The following ARL15 variants were observed in gnomAD, a reference collection of about 807,000 sequenced individuals.
The protein encoded by ARL15 is ADP-ribosylation factor-like protein 15.
A neutral mutation model predicts 25.2 loss-of-function variants in ARL15; 19 were observed. The ratio of observed to expected loss-of-function variants is 0.75; its 90% CI spans 0.53 to 1.10. The LOEUF (loss-of-function observed/expected upper bound fraction) is 1.10, where lower values mean the gene tolerates loss of function less well. ARL15 is among the 50% of genes least tolerant of loss of function. The pLI, the probability that ARL15 is intolerant of heterozygous loss-of-function variation, is 0.00. For synonymous variants in ARL15, 94 were observed against 86.8 expected, an observed-to-expected ratio of 1.08 and a Z score of -0.46; for missense variants, 220 against 246.0, an observed-to-expected ratio of 0.89 and a Z score of 0.71.
At chr5:54,191,878 T>C (rs554359668) in intron 1 of ARL15, among the ~76,000 whole-genome samples, 1 of 152,228 alleles carries the variant, frequency 6.6e-6, no homozygotes, top group South Asian at 2.1e-4. Flanking sequence ...CCACTCAAAA[T>C]ACTCCAAAGG....
chr5:54,224,407 A>G (rs26772), intron 1 of ARL15, among the ~76,000 whole-genome samples: 118,129 of 152,120 alleles, frequency 0.78, 47,378 homozygotes, highest in Non-Finnish European at 0.88. Context: ...ATCCAAGTAT[A>G]CGAGGCCAGC....
chr5:54,176,066 A>G (rs1022267483), intron 1 of ARL15, among the ~76,000 whole-genome samples: 1 of 152,160 alleles, frequency 6.6e-6, no homozygotes, highest in African/African-American at 2.4e-5. Flanking sequence ...CGTCTCCCCA[A>G]GCTCTTTCTC....
intron 4 of ARL15, among the ~76,000 whole-genome samples, chr5:54,084,960 ATAT>A (rs1751917469): frequency 6.6e-6 from 1 of 152,194 alleles, no homozygotes; most frequent in Non-Finnish European, 1.5e-5. Context: ...TATGGTTCAG[ATAT>A]TATGGCTTTG....
intron 1 of ARL15, among the ~76,000 whole-genome samples, chr5:54,216,785 A>G (rs1056212090): frequency 1.6e-4 from 24 of 152,144 alleles, no homozygotes; most frequent in African/African-American, 5.1e-4. Context: ...TTATGCTGCA[A>G]ATTTCTAGTT....
At chr5:54,270,749 T>C (rs1757763704) in intron 1 of ARL15, among the ~76,000 whole-genome samples, 1 of 152,162 alleles carries the variant, frequency 6.6e-6, no homozygotes, top group Non-Finnish European at 1.5e-5. Context: ...AGAACTGTAT[T>C]CCCACTGTAA....
rs2111875128 is a variant in ARL15 at position 53,886,325 on chromosome 5, A to G, written c.*236T>C. ...GAAGGAAGAGACATGCGGGGAAGAT[A>G]ATTAGTGGTAAACAGAGAATAAATT... is the stretch of plus-strand genomic sequence containing the variant. On this transcript the variant is annotated 3_prime_UTR_variant, in exon 5 of 5. Coordinates refer to ENST00000504924, the MANE Select transcript of ARL15 (RefSeq NM_019087.3). 4.6e-6 allele frequency: 2 copies of G among 434,144 alleles called. No individual in the cohort carries two copies. The highest frequency in any genetic ancestry group is 8.0e-5 in the Admixed American group (2 of 25,056). The allele number at this position is 434,144 out of a possible 1,614,324, so 26.9% of individuals were successfully genotyped here. A position where few individuals can be genotyped will look rare whatever the true frequency, so the allele number is the denominator to read the frequency against.
intron 4 of ARL15, among the ~76,000 whole-genome samples, chr5:54,004,396 G>A (rs1323485946): frequency 3.9e-5 from 6 of 151,918 alleles, no homozygotes; most frequent in African/African-American, 1.5e-4. Context: ...AGGAGGCTGA[G>A]GCAGGAGAAT....
At chr5:54,128,093 G>C (rs1254823677) in intron 3 of ARL15, among the ~76,000 whole-genome samples, 1 of 152,186 alleles carries the variant, frequency 6.6e-6, no homozygotes, top group Non-Finnish European at 1.5e-5. Context: ...AGCACAAATG[G>C]ACTAAGATGT....
At chr5:54,304,837 A>C (rs893289878) in intron 1 of ARL15, among the ~76,000 whole-genome samples, 1 of 151,956 alleles carries the variant, frequency 6.6e-6, no homozygotes, top group Non-Finnish European at 1.5e-5. Flanking sequence ...AAAAACAACG[A>C]AACAATGTAC....
intron 4 of ARL15, among the ~76,000 whole-genome samples, chr5:53,981,760 A>G (rs1748126030): frequency 6.6e-6 from 1 of 151,924 alleles, no homozygotes; most frequent in Non-Finnish European, 1.5e-5. Context: ...TCAGCCAGGC[A>G]TGGTGGTGCA....
At chr5:54,246,418 T>C (rs1212628211) in intron 1 of ARL15, among the ~76,000 whole-genome samples, 1 of 152,142 alleles carries the variant, frequency 6.6e-6, no homozygotes, top group Admixed American at 6.5e-5. Flanking sequence ...ACAGAAACTA[T>C]GTGTTGTACA....
intron 4 of ARL15, among the ~76,000 whole-genome samples, chr5:54,084,911 G>A (rs575447236): frequency 8.5e-5 from 13 of 152,230 alleles, no homozygotes; most frequent in Admixed American, 5.9e-4. Flanking sequence ...ATGATTGGGC[G>A]GGAGAGGCCA....
chr5:53,902,903 C>T (rs920978434), intron 4 of ARL15, among the ~76,000 whole-genome samples: 9 of 152,012 alleles, frequency 5.9e-5, no homozygotes, highest in South Asian at 2.1e-4. Flanking sequence ...AGCTGACAGC[C>T]GCCTCAATAG....
rs754459188 is a variant in ARL15 at position 54,066,840 on chromosome 5, TAAA to T, written c.462+46359_462+46361del. ...ATACAAGAAACTAAATTAAAAAATA[TAAA>T]AAAATTATTACTAAAAAAGTAACAG... On this transcript the variant is annotated intron_variant, in intron 4 of 4. Transcript: ENST00000504924. Among the ~76,000 whole-genome samples the T allele has an allele frequency of 3.9e-5, 6 of 152,190 alleles. No individual in the cohort carries two copies. In the South Asian group the frequency reaches 8.3e-4, roughly 21 times the overall value.
chr5:54,148,274 C>G (rs1417712856), intron 3 of ARL15, among the ~76,000 whole-genome samples: 1 of 152,114 alleles, frequency 6.6e-6, no homozygotes, highest in Admixed American at 6.5e-5. Flanking sequence ...AGATAACTAG[C>G]AGGATACAAA....
chr5:53,915,760 G>A (rs1484208864), intron 4 of ARL15, among the ~76,000 whole-genome samples: 3 of 151,946 alleles, frequency 2.0e-5, no homozygotes, highest in African/African-American at 4.8e-5. Context: ...TTAGAATGAT[G>A]TTGATCCAAG....
Position 53,918,142 on chromosome 5 carries a change from G to A in ARL15, c.463-31429C>T, listed in dbSNP as rs150873839. Among the ~76,000 whole-genome samples the A allele has an allele frequency of 9.4e-4, 143 of 152,278 alleles. 1 individual carries two copies. The highest frequency in any genetic ancestry group is 3.2e-3 in the African/African-American group (133 of 41,568). ...AGAAATAATGCAGAGAGGTTGTCGA[G>A]AGAAGGAAAATATAGAAAACCAATT... On this transcript the variant is annotated intron_variant, in intron 4 of 4. Transcript: ENST00000504924.
chr5:54,200,499 C>T (rs1015104925), intron 1 of ARL15, among the ~76,000 whole-genome samples: 1 of 149,912 alleles, frequency 6.7e-6, no homozygotes, highest in African/African-American at 2.5e-5. Flanking sequence ...TATGCCATGA[C>T]TGGCAATAAG....
At chr5:53,961,669 A>T (rs763176230) in intron 4 of ARL15, among the ~76,000 whole-genome samples, 9 of 152,168 alleles carry the variant, frequency 5.9e-5, no homozygotes, top group Non-Finnish European at 1.3e-4. Context: ...AAATACACAC[A>T]TAGGTTTAGA....
Sources: gnomAD v4.1 joint callset for allele counts (sites outside exome capture counted in the v4.1 genomes callset) on GRCh38, gnomAD v4.1.1 for gene constraint, MANE v1.5 for transcripts, NCBI Gene and HGNC (gene_info 2026-07-23, HGNC 2026-07-21) for gene names.